PKN2: variants seen among roughly 807,000 people sequenced by gnomAD.
The protein encoded by PKN2 is serine/threonine-protein kinase N2.
PKN2 carries 38 observed loss-of-function variants against 119.1 expected under a neutral mutation model. The ratio of observed to expected loss-of-function variants is 0.32; its 90% CI spans 0.25 to 0.42. The LOEUF (loss-of-function observed/expected upper bound fraction) is 0.42. PKN2 is among the 10% of genes least tolerant of loss of function. PKN2 has a pLI of 1.00. For missense variants in PKN2, 850 were observed against 1,165.1 expected (o/e 0.73, Z 3.94); for synonymous variants, 390 against 384.9 (o/e 1.01, Z -0.15).
At position 88,718,347 on chromosome 1, in the gene PKN2, A is replaced by G. The variant is rs75667753; in HGVS notation, c.49-22641A>G. Among the ~76,000 whole-genome samples, 947 of 152,282 alleles carry G rather than the reference A, an allele frequency of 6.2e-3. 12 individuals carry two copies. In the South Asian group the frequency reaches 0.067, roughly 11 times the overall value. ...GTCCTGGGAGAACCACTGCTCTCCA[A>G]AGCTTTCAGACAGGGACATTTAAGT... On this transcript the variant is annotated intron_variant, in intron 1 of 21. Transcript: ENST00000370521.
chr1:88,730,301 A>T (rs1203213615), intron 1 of PKN2, among the ~76,000 whole-genome samples: 1 of 152,188 alleles, frequency 6.6e-6, no homozygotes, highest in Non-Finnish European at 1.5e-5. Context: ...GCAGTTCAGT[A>T]AGGCCATCAG....
At chr1:88,782,158 T>C (rs1670371583) in intron 6 of PKN2, among the ~76,000 whole-genome samples, 1 of 152,110 alleles carries the variant, frequency 6.6e-6, no homozygotes, top group Non-Finnish European at 1.5e-5. Flanking sequence ...TTGCTTTCAT[T>C]GTTTTGCATG....
At chr1:88,766,475 C>T (rs778359641) in intron 3 of PKN2, among the ~76,000 whole-genome samples, 11 of 152,016 alleles carry the variant, frequency 7.2e-5, no homozygotes, top group South Asian at 2.1e-4. Context: ...ATTTGAAAGT[C>T]GTATAATTTT....
intron 1 of PKN2, among the ~76,000 whole-genome samples, chr1:88,710,165 C>T (rs1275500190): frequency 2.0e-5 from 3 of 151,856 alleles, no homozygotes; most frequent in South Asian, 2.1e-4. Flanking sequence ...GGGAAGTCAT[C>T]GGATAATATT....
chr1:88,772,449 G>A (rs1669935125), intron 6 of PKN2, among the ~76,000 whole-genome samples: 1 of 152,150 alleles, frequency 6.6e-6, no homozygotes, highest in Non-Finnish European at 1.5e-5. Context: ...TGGGATTTCA[G>A]ATTTCCAGAT....
chr1:88,740,163 A>G lies in PKN2; in HGVS notation c.49-825A>G, dbSNP rs74097821. Among the ~76,000 whole-genome samples, 1,130 of 152,240 alleles carry G rather than the reference A, an allele frequency of 7.4e-3. 6 individuals are homozygous for G. The highest frequency in any genetic ancestry group is 0.026 in the African/African-American group (1,060 of 41,558). On this transcript the variant is annotated intron_variant, in intron 1 of 21. Coordinates refer to ENST00000370521, the MANE Select transcript of PKN2 (RefSeq NM_006256.4). ...ACCGTTTTATATAAGTGACTTGGTCATCTTTAGATTGTGGTATATGTGGGA... is the reference window on the plus strand; with the variant it reads ...ACCGTTTTATATAAGTGACTTGGTCGTCTTTAGATTGTGGTATATGTGGGA...
chr1:88,823,982 C>T lies in PKN2; in HGVS notation c.2343-328C>T, dbSNP rs541412233. The stretch of plus-strand genomic sequence containing the variant: ...TGAGACCACGCCATTGCACTCCAGC[C>T]TGGGTGACAAAGTGAGACTCTGTCT... On this transcript the variant is annotated intron_variant, in intron 17 of 21. Transcript: ENST00000370521. Among the ~76,000 whole-genome samples, 9 of 129,456 alleles carry T rather than the reference C, an allele frequency of 7.0e-5. No homozygotes were observed. In the East Asian group the frequency reaches 2.0e-3, roughly 29 times the overall value. 84.9% of individuals were successfully genotyped at this position (129,456 alleles called of 152,430 possible). A position where few individuals can be genotyped will look rare whatever the true frequency, so the allele number is the denominator to read the frequency against.
In PKN2 at chr1:88,817,152, A is replaced by G. The variant is rs190616454; in HGVS notation, c.2279+3419A>G. Reference sequence around the variant, plus strand: ...GAACATCGATGCAAAAATCTTCAGTAAAACACTGGCAAACCAAATCCAGCA... The same window carrying G: ...GAACATCGATGCAAAAATCTTCAGTGAAACACTGGCAAACCAAATCCAGCA... On this transcript the variant is annotated intron_variant, in intron 16 of 21. Transcript: ENST00000370521. Among the ~76,000 whole-genome samples, 56 of 152,304 alleles carry G rather than the reference A, an allele frequency of 3.7e-4. No homozygotes were observed. The East Asian group carries it at 0.01, about 28-fold the overall frequency.
At chr1:88,751,494 T>TTCCCTGTA (rs1337823913) in intron 2 of PKN2, among the ~76,000 whole-genome samples, 3 of 152,046 alleles carry the variant, frequency 2.0e-5, no homozygotes, top group Non-Finnish European at 4.4e-5. Flanking sequence ...ATATAACTAG[T>TTCCCTGTA]TCCCTGTATT....
chr1:88,744,453 CCT>C (rs1158484958), intron 2 of PKN2, among the ~76,000 whole-genome samples: 1 of 152,098 alleles, frequency 6.6e-6, no homozygotes, highest in Non-Finnish European at 1.5e-5. Context: ...ACTGCGTCTC[CCT>C]CTGTCACCAG....
At chr1:88,796,218 A>G (rs781283162) in intron 8 of PKN2, among the ~76,000 whole-genome samples, 1 of 152,184 alleles carries the variant, frequency 6.6e-6, no homozygotes, top group Non-Finnish European at 1.5e-5. Flanking sequence ...GAGCATCTGA[A>G]AAATTTGAAA....
At chr1:88,794,644 A>G (rs1270416499) in intron 8 of PKN2, among the ~76,000 whole-genome samples, 2 of 152,180 alleles carry the variant, frequency 1.3e-5, no homozygotes, top group African/African-American at 2.4e-5. Context: ...TACCTTGTAC[A>G]TAATGGTATT....
intron 1 of PKN2, among the ~76,000 whole-genome samples, chr1:88,703,834 G>A (rs150738103): frequency 0.01 from 1,527 of 152,218 alleles, 22 homozygotes; most frequent in African/African-American, 0.035. Flanking sequence ...CTATCATTAA[G>A]TAGAGGAATT....
chr1:88,684,676 G>A, intron 1 of PKN2, 48 bp downstream of exon 1: 1 of 1,450,292 alleles, frequency 6.9e-7, no homozygotes. Flanking sequence ...GAGACAGGGA[G>A]AGAGCCCCGC....
At chr1:88,772,243 T>C (rs994575413) in intron 6 of PKN2, among the ~76,000 whole-genome samples, 5 of 152,242 alleles carry the variant, frequency 3.3e-5, no homozygotes, top group African/African-American at 1.2e-4. Context: ...ATTATATAAT[T>C]TGTGACCTTT....
chr1:88,750,983 GT>G (rs1173706162), intron 2 of PKN2, among the ~76,000 whole-genome samples: 1 of 152,094 alleles, frequency 6.6e-6, no homozygotes, highest in Non-Finnish European at 1.5e-5. Context: ...AGTGCTGTTA[GT>G]TTCTTGATTT....
In PKN2 at chr1:88,807,433, G is replaced by C; in HGVS notation, c.1924G>C (p.Glu642Gln). ...AGAATATAGTGGTATTCAAGAACTT[G>C]AGGACAGAAGGTAAAGAATATATAC... Reference protein sequence around the residue: ...GLEYSGIQELEDRRSQQRFQF... With the variant: ...GLEYSGIQELQDRRSQQRFQF... Residue 642 changes from glutamate to glutamine, a missense_variant, in exon 13 of 22, where the codon GAG becomes CAG. Physicochemically the swap from Glu to Gln is conservative, Grantham distance 29. Around this residue, in one of 9 missense-constraint regions of PKN2, gnomAD observed 216 missense variants for 252.8 expected, o/e 0.85. Coordinates refer to ENST00000370521, the MANE Select transcript of PKN2 (RefSeq NM_006256.4). 1 of 1,610,318 alleles carries C rather than the reference G, an allele frequency of 6.2e-7. No individual in the cohort carries two copies. Among genetic ancestry groups the C allele is most frequent in the Non-Finnish European group, 8.5e-7 (1 of 1,178,646 alleles).
intron 3 of PKN2, among the ~76,000 whole-genome samples, chr1:88,763,330 A>C (rs1281396147): frequency 1.3e-5 from 2 of 152,100 alleles, no homozygotes; most frequent in Non-Finnish European, 2.9e-5. Flanking sequence ...CCATCCGGCC[A>C]CATGTGGTGA....
At chr1:88,745,589 A>G (rs1439671403) in intron 2 of PKN2, among the ~76,000 whole-genome samples, 2 of 152,124 alleles carry the variant, frequency 1.3e-5, no homozygotes, top group Non-Finnish European at 2.9e-5. Flanking sequence ...GAAATTGAAG[A>G]TGGTACAAAT....
Sources: allele counts gnomAD v4.1 joint callset (sites outside exome capture counted in the v4.1 genomes callset), GRCh38; gene constraint gnomAD v4.1.1; regional missense constraint gnomAD v4.1.1; transcripts MANE v1.5; gene names NCBI Gene and HGNC (gene_info 2026-07-23, HGNC 2026-07-21).